SLC39A11: variants seen among roughly 807,000 people sequenced by gnomAD.
SLC39A11 encodes the protein zinc transporter ZIP11.
A neutral mutation model predicts 36.1 loss-of-function variants in SLC39A11; 33 were observed. The ratio of observed to expected loss-of-function variants is 0.91; its 90% CI spans 0.69 to 1.22. The LOEUF (loss-of-function observed/expected upper bound fraction) is 1.22, where lower values mean the gene tolerates loss of function less well. SLC39A11 is among the 50% of genes most tolerant of loss of function. SLC39A11 has a pLI of 0.00. For missense variants in SLC39A11, 432 were observed against 430.3 expected (o/e 1.00, Z -0.03); for synonymous variants, 166 against 170.3 (o/e 0.97, Z 0.20).
chr17:72,723,892 T>C (rs1176895174), intron 7 of SLC39A11, among the ~76,000 whole-genome samples: 5 of 152,194 alleles, frequency 3.3e-5, no homozygotes, highest in Non-Finnish European at 7.3e-5. Context: ...CTCCTCCACG[T>C]GTTCTGGAAA....
chr17:73,058,318 C>A (rs1015144087), intron 3 of SLC39A11, among the ~76,000 whole-genome samples: 3 of 152,096 alleles, frequency 2.0e-5, no homozygotes, highest in Admixed American at 6.5e-5. Flanking sequence ...TGAAAACAGT[C>A]GGGGGATAAA....
At chr17:72,921,804 C>A (rs1291849687) in intron 5 of SLC39A11, among the ~76,000 whole-genome samples, 1 of 152,100 alleles carries the variant, frequency 6.6e-6, no homozygotes, top group African/African-American at 2.4e-5. Flanking sequence ...CAAGACACAG[C>A]GTTATTTTAT....
At chr17:73,056,376 C>A (rs977382959) in intron 3 of SLC39A11, among the ~76,000 whole-genome samples, 2 of 152,130 alleles carry the variant, frequency 1.3e-5, no homozygotes, top group Non-Finnish European at 2.9e-5. Flanking sequence ...ACCATGTTGG[C>A]CAGGCTGGTC....
intron 7 of SLC39A11, 122 bp from the exon 8 acceptor site, chr17:72,649,390 G>C: frequency 1.3e-6 from 1 of 742,132 alleles, no homozygotes; most frequent in Non-Finnish European, 2.2e-6. Context: ...CCTGTGACCT[G>C]CAGTAGGAGA....
chr17:72,951,479 A>G (rs558376087), intron 4 of SLC39A11, among the ~76,000 whole-genome samples: 1 of 152,020 alleles, frequency 6.6e-6, no homozygotes, highest in East Asian at 1.9e-4. Context: ...TTAAGTGTCA[A>G]CTCTGTATCA....
At chr17:73,074,807 A>T (rs956103249) in intron 3 of SLC39A11, among the ~76,000 whole-genome samples, 10 of 152,216 alleles carry the variant, frequency 6.6e-5, no homozygotes, top group African/African-American at 2.4e-4. Context: ...TGTCTTTCAT[A>T]AGAAACCAGC....
chr17:73,084,437 C>CAAAAAAA (rs67639617), intron 3 of SLC39A11, among the ~76,000 whole-genome samples: 3 of 61,662 alleles, frequency 4.9e-5, no homozygotes, highest in East Asian at 6.0e-4. Flanking sequence ...GGCTCTGTCT[C>CAAAAAAA]AAAAAAAAAA....
At chr17:72,777,572 C>T (rs7218525) in intron 6 of SLC39A11, among the ~76,000 whole-genome samples, 5,474 of 148,932 alleles carry the variant, frequency 0.037, 310 homozygotes, top group African/African-American at 0.12. Context: ...GGCATGGGAA[C>T]GATGCATCTA....
At chr17:72,902,251 A>C (rs1371896965) in intron 5 of SLC39A11, among the ~76,000 whole-genome samples, 1 of 152,018 alleles carries the variant, frequency 6.6e-6, no homozygotes, top group Non-Finnish European at 1.5e-5. Context: ...AGCCTGGGTA[A>C]TAAGAGCGAA....
intron 7 of SLC39A11, among the ~76,000 whole-genome samples, chr17:72,681,417 T>C (rs1257388028): frequency 2.6e-5 from 4 of 152,032 alleles, no homozygotes; most frequent in East Asian, 3.8e-4. Context: ...GGGTGGAAAG[T>C]TGGAGGGAAG....
intron 7 of SLC39A11, among the ~76,000 whole-genome samples, chr17:72,701,737 A>G (rs1252163103): frequency 6.6e-6 from 1 of 150,834 alleles, no homozygotes; most frequent in East Asian, 1.9e-4. Context: ...CAAAAAAAAA[A>G]AAAAAAAAAG....
At chr17:72,810,302 C>T (rs1425949959) in intron 6 of SLC39A11, among the ~76,000 whole-genome samples, 2 of 152,128 alleles carry the variant, frequency 1.3e-5, no homozygotes, top group Admixed American at 6.5e-5. Flanking sequence ...ATACAAAACA[C>T]TCATTGTGGT....
chr17:72,807,516 C>T (rs2077297967), intron 6 of SLC39A11, among the ~76,000 whole-genome samples: 1 of 152,146 alleles, frequency 6.6e-6, no homozygotes, highest in Admixed American at 6.5e-5. Context: ...ACCAGAAAGA[C>T]CAAGTGATTA....
At chr17:72,814,653 C>A (rs2077527550) in intron 6 of SLC39A11, among the ~76,000 whole-genome samples, 1 of 152,208 alleles carries the variant, frequency 6.6e-6, no homozygotes, top group Non-Finnish European at 1.5e-5. Context: ...TGACTAGGTA[C>A]AAACAAGCTA....
intron 6 of SLC39A11, among the ~76,000 whole-genome samples, chr17:72,781,887 C>CA (rs4036981): frequency 0.021 from 2,838 of 136,750 alleles, 75 homozygotes; most frequent in African/African-American, 0.065. Context: ...CATCACCATC[C>CA]AAAAAAAAAA....
At chr17:72,955,692 C>T (rs950029820) in intron 4 of SLC39A11, among the ~76,000 whole-genome samples, 7 of 152,034 alleles carry the variant, frequency 4.6e-5, no homozygotes, top group South Asian at 2.1e-4. Context: ...CAGGGCCCAG[C>T]ACACGGTCTG....
At chr17:72,930,743 T>C (rs549245818) in intron 5 of SLC39A11, among the ~76,000 whole-genome samples, 5 of 152,140 alleles carry the variant, frequency 3.3e-5, no homozygotes, top group Non-Finnish European at 7.3e-5. Context: ...GTCACTTCCA[T>C]CCTGAATGTA....
chr17:72,962,599 C>T (rs899636107), intron 4 of SLC39A11, among the ~76,000 whole-genome samples: 1 of 152,020 alleles, frequency 6.6e-6, no homozygotes, highest in Admixed American at 6.6e-5. Flanking sequence ...TACAGTGGCC[C>T]GACCTTGGCT....
chr17:72,855,111 C>G (rs1444776509), intron 5 of SLC39A11, among the ~76,000 whole-genome samples: 1 of 152,196 alleles, frequency 6.6e-6, no homozygotes, highest in African/African-American at 2.4e-5. Context: ...TCAGCAACCG[C>G]CTTTGAAAGT....
Sources: allele counts gnomAD v4.1 joint callset (sites outside exome capture counted in the v4.1 genomes callset), GRCh38; gene constraint gnomAD v4.1.1; transcripts MANE v1.5; gene names NCBI Gene and HGNC (gene_info 2026-07-23, HGNC 2026-07-21).